Variants in PPARGC1A observed in about 807,000 individuals in gnomAD.
The protein encoded by PPARGC1A is peroxisome proliferator-activated receptor gamma coactivator 1-alpha.
In PPARGC1A, 25 loss-of-function variants were observed where a neutral mutation model predicts 88.7. The observed-to-expected ratio is 0.28, with a 90% CI of 0.21 to 0.39. The LOEUF (loss-of-function observed/expected upper bound fraction) is 0.39, where lower values mean the gene tolerates loss of function less well. Among genes scored for constraint, PPARGC1A ranks in the 10% least tolerant of loss-of-function variants. The pLI is 1.00. For synonymous variants in PPARGC1A, 363 were observed against 355.6 expected (o/e 1.02, Z -0.24); for missense variants, 880 against 968.7 (o/e 0.91, Z 1.22).
the PPARGC1A span, among the ~76,000 whole-genome samples, chr4:24,248,156 G>A: frequency 6.6e-6 from 1 of 151,766 alleles, no homozygotes; most frequent in Non-Finnish European, 1.5e-5. Flanking sequence ...ATGGAGTCTC[G>A]CTCTGTCGCC....
the PPARGC1A span, among the ~76,000 whole-genome samples, chr4:24,080,972 G>A: frequency 1.3e-5 from 2 of 152,030 alleles, no homozygotes; most frequent in African/African-American, 4.8e-5. Flanking sequence ...TTTGCGCTGA[G>A]AAGATGGGAG....
At chr4:23,983,053 A>T in the PPARGC1A span, among the ~76,000 whole-genome samples, 3 of 152,244 alleles carry the variant, frequency 2.0e-5, no homozygotes, top group East Asian at 5.8e-4. Flanking sequence ...GGCCTGCAAA[A>T]TTTAAAATAT....
the PPARGC1A span, among the ~76,000 whole-genome samples, chr4:24,330,878 T>C: frequency 6.6e-6 from 1 of 152,116 alleles, no homozygotes; most frequent in South Asian, 2.1e-4. Context: ...CTCCAAGACA[T>C]AGTCTCTACT....
chr4:24,010,126 C>T, the PPARGC1A span, among the ~76,000 whole-genome samples: 1 of 152,200 alleles, frequency 6.6e-6, no homozygotes, highest in Non-Finnish European at 1.5e-5. Flanking sequence ...ATATTGGCCT[C>T]TCCTATTATT....
chr4:24,108,811 A>G, the PPARGC1A span, among the ~76,000 whole-genome samples: 1 of 152,152 alleles, frequency 6.6e-6, no homozygotes, highest in Non-Finnish European at 1.5e-5. Flanking sequence ...TTCTGGGAGC[A>G]CATACAGCAG....
the PPARGC1A span, among the ~76,000 whole-genome samples, chr4:24,091,928 T>TACACAC: frequency 8.1e-3 from 1,194 of 147,800 alleles, 9 homozygotes; most frequent in East Asian, 0.03. Context: ...CTTGCCCCAA[T>TACACAC]ACACACACAC....
chr4:24,177,907 G>A, the PPARGC1A span, among the ~76,000 whole-genome samples: 1 of 152,164 alleles, frequency 6.6e-6, no homozygotes, highest in Non-Finnish European at 1.5e-5. Context: ...GTGGAATTAT[G>A]CAGATTCTGT....
the PPARGC1A span, among the ~76,000 whole-genome samples, chr4:23,986,882 G>A: frequency 6.6e-6 from 1 of 152,116 alleles, no homozygotes; most frequent in African/African-American, 2.4e-5. Context: ...TCCACAAAAT[G>A]CATATCAGAC....
At chr4:24,088,170 G>C in the PPARGC1A span, among the ~76,000 whole-genome samples, 1 of 151,880 alleles carries the variant, frequency 6.6e-6, no homozygotes, top group African/African-American at 2.4e-5. Flanking sequence ...GCAACATAGA[G>C]AGATCCCAAT....
chr4:23,930,382 G>T, the PPARGC1A span, among the ~76,000 whole-genome samples: 1 of 152,114 alleles, frequency 6.6e-6, no homozygotes, highest in Non-Finnish European at 1.5e-5. Flanking sequence ...ATATTGTGGG[G>T]AGTAACGCCT....
chr4:23,834,178 T>C (rs1312237353), intron 2 of PPARGC1A, among the ~76,000 whole-genome samples: 2 of 152,032 alleles, frequency 1.3e-5, no homozygotes, highest in Non-Finnish European at 1.5e-5. Context: ...CGGACGCCTG[T>C]AGTCCCAGCT....
At chr4:24,286,263 A>G in the PPARGC1A span, among the ~76,000 whole-genome samples, 1 of 152,168 alleles carries the variant, frequency 6.6e-6, no homozygotes, top group African/African-American at 2.4e-5. Context: ...GTCCAAAGCT[A>G]CAGGCTTCTA....
chr4:24,446,393 T>C, the PPARGC1A span, among the ~76,000 whole-genome samples: 2 of 152,218 alleles, frequency 1.3e-5, no homozygotes, highest in Non-Finnish European at 2.9e-5. Context: ...GAAATGTCTA[T>C]TCAAGTCTTT....
chr4:24,349,179 C>T, the PPARGC1A span, among the ~76,000 whole-genome samples: 15 of 152,178 alleles, frequency 9.9e-5, no homozygotes, highest in Admixed American at 4.6e-4. Context: ...CCGTGGATAC[C>T]GGTGCCTGTT....
At chr4:24,297,282 C>T in the PPARGC1A span, among the ~76,000 whole-genome samples, 2 of 152,126 alleles carry the variant, frequency 1.3e-5, no homozygotes, top group Admixed American at 6.6e-5. Flanking sequence ...AGAGTTACTA[C>T]GTAGTAGCGC....
chr4:24,284,059 G>A, the PPARGC1A span, among the ~76,000 whole-genome samples: 436 of 150,724 alleles, frequency 2.9e-3, 3 homozygotes, highest in Admixed American at 5.6e-3. Context: ...GAGACTGGTG[G>A]ATTACTTGAG....
At chr4:24,023,075 T>A in the PPARGC1A span, among the ~76,000 whole-genome samples, 1 of 152,278 alleles carries the variant, frequency 6.6e-6, no homozygotes, top group African/African-American at 2.4e-5. Flanking sequence ...ACTATAAGTA[T>A]TTTTAGTTAA....
the PPARGC1A span, among the ~76,000 whole-genome samples, chr4:24,250,336 T>C: frequency 6.6e-6 from 1 of 152,156 alleles, no homozygotes; most frequent in Admixed American, 6.5e-5. Flanking sequence ...AATAAGTTGA[T>C]AGGAAGGTAA....
chr4:24,451,092 T>G, the PPARGC1A span, among the ~76,000 whole-genome samples: 5 of 152,342 alleles, frequency 3.3e-5, no homozygotes, highest in South Asian at 4.1e-4. Context: ...CACTTCAGCT[T>G]GGGTTCCTAA....
Sources: allele counts gnomAD v4.1 joint callset (sites outside exome capture counted in the v4.1 genomes callset), GRCh38; gene constraint gnomAD v4.1.1; transcripts MANE v1.5; gene names NCBI Gene and HGNC (gene_info 2026-07-23, HGNC 2026-07-21).